The following KIF26B variants were observed in gnomAD, a reference collection of about 807,000 sequenced individuals.
The protein encoded by KIF26B is kinesin family member 26B.
KIF26B carries 63 observed loss-of-function variants against 151.2 expected under a neutral mutation model. The observed-to-expected ratio is 0.42, with a 90% CI of 0.34 to 0.51. The LOEUF is 0.51. Ranked by LOEUF, KIF26B falls within the 20% of genes least tolerant of loss-of-function variation. The probability of loss-of-function intolerance (pLI) is 0.07; values close to 1 mark genes in which losing one functional copy is unlikely to be tolerated. For missense variants in KIF26B, 2,813 were observed against 2,913.6 expected, an observed-to-expected ratio of 0.97 and a Z score of 0.79; for synonymous variants, 1,357 against 1,262.1, an observed-to-expected ratio of 1.08 and a Z score of -1.59.
rs1661582579 is a variant in KIF26B at position 245,540,257 on chromosome 1, T to C, written c.1167-510T>C. Among the ~76,000 whole-genome samples the C allele has an allele frequency of 1.3e-5, 2 of 152,228 alleles. No homozygotes were observed. The highest frequency in any genetic ancestry group is 2.9e-5 in the Non-Finnish European group (2 of 68,040). On this transcript the variant is annotated intron_variant, in intron 4 of 14. Transcript: ENST00000407071. The surrounding 1 kb of genome is among the most constrained non-coding windows in gnomAD (Gnocchi z 4.6). ...TATATTTCTAAAACCAGTTTGATTT[T>C]TCCTGTTGCACTGGGGCTTGTGTTT...
chr1:245,217,426 A>G (rs372294203), intron 2 of KIF26B, among the ~76,000 whole-genome samples: 13 of 149,860 alleles, frequency 8.7e-5, no homozygotes, highest in African/African-American at 3.0e-4. Context: ...GTGCAATGGC[A>G]CAATCTCGGC....
At chr1:245,561,929 G>C (rs573278567) in intron 5 of KIF26B, among the ~76,000 whole-genome samples, 1 of 152,276 alleles carries the variant, frequency 6.6e-6, no homozygotes, top group Non-Finnish European at 1.5e-5. Context: ...CCATCCCAAG[G>C]CTCTTTACAG....
chr1:245,263,018 T>C (rs1387300050), intron 2 of KIF26B, among the ~76,000 whole-genome samples: 2 of 152,246 alleles, frequency 1.3e-5, no homozygotes, highest in Non-Finnish European at 2.9e-5. Flanking sequence ...ATTGTTCTTG[T>C]TATTACCATC....
At chr1:245,662,981 C>A (rs2044173757) in intron 10 of KIF26B, among the ~76,000 whole-genome samples, 1 of 144,468 alleles carries the variant, frequency 6.9e-6, no homozygotes. Flanking sequence ...TTTTTTTTCT[C>A]TCTTATTCTC....
At chr1:245,224,473 A>G (rs1477494906) in intron 2 of KIF26B, among the ~76,000 whole-genome samples, 3 of 152,236 alleles carry the variant, frequency 2.0e-5, no homozygotes, top group Non-Finnish European at 4.4e-5. Flanking sequence ...AACTACAGTT[A>G]TTCAGGTTTG....
At chr1:245,286,534 C>T (rs936002677) in intron 2 of KIF26B, among the ~76,000 whole-genome samples, 1 of 151,476 alleles carries the variant, frequency 6.6e-6, no homozygotes, top group African/African-American at 2.4e-5. Context: ...AGAGTGAGAC[C>T]CTGTCTAAAA....
intron 9 of KIF26B, 54 bp downstream of exon 9, chr1:245,612,030 AAATCCCTTGG>A (rs1202482919): frequency 1.3e-6 from 2 of 1,552,508 alleles, no homozygotes; most frequent in East Asian, 2.3e-5. Context: ...CCCCAGCCAG[AAATCCCTTGG>A]GCAACCATGA....
intron 10 of KIF26B, among the ~76,000 whole-genome samples, chr1:245,661,823 T>C (rs2044144554): frequency 1.6e-5 from 2 of 121,350 alleles, no homozygotes; most frequent in South Asian, 2.5e-4. Flanking sequence ...CCCAATGATA[T>C]ATATATTACA....
chr1:245,229,464 TACTA>T (rs1372817175), intron 2 of KIF26B, among the ~76,000 whole-genome samples: 1 of 152,184 alleles, frequency 6.6e-6, no homozygotes, highest in African/African-American at 2.4e-5. Flanking sequence ...AGCCGTGACT[TACTA>T]ACTTTCAACT....
At chr1:245,605,454 C>A (rs1024132963) in intron 6 of KIF26B, among the ~76,000 whole-genome samples, 1 of 152,182 alleles carries the variant, frequency 6.6e-6, no homozygotes, top group Non-Finnish European at 1.5e-5. Context: ...GCTTTCTCTT[C>A]GTTTCTAAGG....
chr1:245,325,414 G>A (rs1671970520), intron 2 of KIF26B, among the ~76,000 whole-genome samples: 1 of 152,154 alleles, frequency 6.6e-6, no homozygotes, highest in Non-Finnish European at 1.5e-5. Flanking sequence ...CATAAAGACA[G>A]GCTTAAGAAT....
At chr1:245,525,380 G>A (rs1282863268) in intron 4 of KIF26B, among the ~76,000 whole-genome samples, 1 of 152,204 alleles carries the variant, frequency 6.6e-6, no homozygotes, top group Non-Finnish European at 1.5e-5. Context: ...GAACGACTCA[G>A]TGTTTGTTGT....
At position 245,419,647 on chromosome 1, in the gene KIF26B, A is replaced by G; in HGVS notation, c.1068A>G (p.Ala356=). The stretch of plus-strand genomic sequence containing the variant: ...AAGCAGTGCTGAACCGCTACAATGC[A>G]GACAAGCCTTCCGCCTGCAGTGTCC... ...LTEAVLNRYN[A]DKPSACSVPA... The change falls in exon 4 of 15, where the codon GCA becomes GCG. Residue 356 remains alanine (A), a synonymous_variant. Transcript: ENST00000407071. 6.2e-7 allele frequency: 1 copy of G among 1,614,004 alleles called. No homozygotes were observed. The highest frequency in any genetic ancestry group is 8.5e-7 in the Non-Finnish European group (1 of 1,179,874).
intron 7 of KIF26B, among the ~76,000 whole-genome samples, chr1:245,609,018 G>A (rs1299742712): frequency 1.3e-5 from 2 of 152,130 alleles, no homozygotes; most frequent in Non-Finnish European, 2.9e-5. Flanking sequence ...CCCCCACAAA[G>A]TGCTGAGGTT....
intron 2 of KIF26B, among the ~76,000 whole-genome samples, chr1:245,268,437 C>G (rs1670787404): frequency 1.3e-5 from 2 of 150,244 alleles, no homozygotes; most frequent in Admixed American, 1.3e-4. Context: ...CCACTGGACT[C>G]CAGCCTGGGT....
At chr1:245,617,841 G>A (rs1248392196) in intron 9 of KIF26B, among the ~76,000 whole-genome samples, 1 of 152,122 alleles carries the variant, frequency 6.6e-6, no homozygotes, top group Non-Finnish European at 1.5e-5. Flanking sequence ...CTGACCTGGT[G>A]CATTCCTCAA....
At chr1:245,173,190 G>A (rs1383423246) in intron 2 of KIF26B, among the ~76,000 whole-genome samples, 1 of 152,228 alleles carries the variant, frequency 6.6e-6, no homozygotes, top group African/African-American at 2.4e-5. Context: ...GAGATACTTA[G>A]TGTAGTGAGA....
chr1:245,659,770 G>A (rs2044113817), intron 10 of KIF26B, among the ~76,000 whole-genome samples: 2 of 152,014 alleles, frequency 1.3e-5, no homozygotes, highest in African/African-American at 2.4e-5. Flanking sequence ...CGGGCGCGGT[G>A]GCTCACACCT....
At chr1:245,449,730 C>T (rs1046335500) in intron 4 of KIF26B, among the ~76,000 whole-genome samples, 2 of 152,200 alleles carry the variant, frequency 1.3e-5, no homozygotes, top group Non-Finnish European at 2.9e-5. Flanking sequence ...ATCAAGATTA[C>T]TTTAAAACCA....
Sources: allele counts gnomAD v4.1 joint callset (sites outside exome capture counted in the v4.1 genomes callset), GRCh38; gene constraint gnomAD v4.1.1; non-coding constraint Gnocchi (gnomAD v3.1); transcripts MANE v1.5; gene names NCBI Gene and HGNC (gene_info 2026-07-23, HGNC 2026-07-21).